The following IQCE variants were observed in gnomAD, a reference collection of about 807,000 sequenced individuals.
IQCE encodes IQ domain-containing protein E.
IQCE carries 115 observed loss-of-function variants against 96.0 expected under a neutral mutation model. The ratio of observed to expected loss-of-function variants is 1.20; its 90% CI spans 1.03 to 1.40. The LOEUF (loss-of-function observed/expected upper bound fraction) is 1.40. Among genes scored for constraint, IQCE ranks in the 40% most tolerant of loss-of-function variants. The pLI, the probability that IQCE is intolerant of heterozygous loss-of-function variation, is 0.00. For missense variants in IQCE, 1,041 were observed against 909.1 expected (o/e 1.15, Z -1.87); for synonymous variants, 412 against 371.2 (o/e 1.11, Z -1.26).
intron 8 of IQCE, among the ~76,000 whole-genome samples, chr7:2,581,341 G>T (rs376432416): frequency 1.3e-5 from 2 of 151,770 alleles, no homozygotes; most frequent in Non-Finnish European, 2.9e-5. Flanking sequence ...GAGTAGTTGG[G>T]ATTACAAGCA....
intron 16 of IQCE, among the ~76,000 whole-genome samples, chr7:2,595,911 G>A (rs1008364745): frequency 1.3e-5 from 2 of 151,958 alleles, no homozygotes. Context: ...CTGGAGGGTC[G>A]CAGCCATGCT....
At position 2,611,109 on chromosome 7, in the gene IQCE, A is replaced by ACGGC; in HGVS notation, c.*947_*948insCGGC. The ACGGC allele has an allele frequency of 3.4e-5, 2 of 58,216 alleles. No individual in the cohort carries two copies. The highest frequency in any genetic ancestry group is 3.0e-4 in the Admixed American group (2 of 6,612). 3.6% of individuals were successfully genotyped at this position (58,216 alleles called of 1,614,324 possible). A position where few individuals can be genotyped will look rare whatever the true frequency, so the allele number is the denominator to read the frequency against. On this transcript the variant is annotated 3_prime_UTR_variant, in exon 22 of 22. Transcript: ENST00000402050. ...TGCGGCCTCTGCACTCCCAAGCTCC[A>ACGGC]TGGCTGGGCTGGGCTGGGCTGGGCT...
intron 20 of IQCE, 117 bp from the exon 21 acceptor site, chr7:2,607,005 CTG>C (rs1314001403): frequency 4.4e-6 from 4 of 915,226 alleles, no homozygotes; most frequent in African/African-American, 1.7e-5. Flanking sequence ...GGGACTGGCT[CTG>C]TGTTTGCTTT....
At position 2,614,340 on chromosome 7, in the gene IQCE, C is replaced by T. The variant is rs562848029; in HGVS notation, c.*4178C>T. ...AAGCAGCGTTTGCTCTCCCGTGGCT[C>T]GGATTCTCTGAGGACCAGGGAGTTG... On this transcript the variant is annotated 3_prime_UTR_variant, in exon 22 of 22. Transcript: ENST00000402050. The T allele has an allele frequency of 6.6e-6, 1 of 152,372 alleles. No individual in the cohort carries two copies. The highest frequency in any genetic ancestry group is 2.1e-4 in the South Asian group (1 of 4,828). The allele number at this position is 152,372 out of a possible 1,614,324, so 9.4% of individuals were successfully genotyped here. A position where few individuals can be genotyped will look rare whatever the true frequency, so the allele number is the denominator to read the frequency against.
intron 6 of IQCE, among the ~76,000 whole-genome samples, chr7:2,577,222 G>C (rs1203234160): frequency 1.3e-5 from 2 of 151,750 alleles, no homozygotes; most frequent in East Asian, 1.9e-4. Flanking sequence ...GCTGTGTGTG[G>C]TGTGTGTGCA....
At chr7:2,597,204 G>A (rs977778679) in intron 16 of IQCE, 10 of 457,326 alleles carry the variant, frequency 2.2e-5, no homozygotes, top group Middle Eastern at 7.0e-4. Context: ...TGGGCCACAG[G>A]GTGGTCTTCA....
At chr7:2,587,951 C>T (rs933001615) in intron 13 of IQCE, 74 bp downstream of exon 13, 38 of 1,355,746 alleles carry the variant, frequency 2.8e-5, no homozygotes, top group African/African-American at 2.3e-4. Context: ...TCACAGGGTG[C>T]GGAAGGTGGC....
chr7:2,607,013 G>A (rs1784882733), intron 20 of IQCE, 111 bp from the exon 21 acceptor site: 2 of 992,794 alleles, frequency 2.0e-6, no homozygotes, highest in South Asian at 3.4e-5. Context: ...CTCTGTGTTT[G>A]CTTTCATTGG....
intron 1 of IQCE, among the ~76,000 whole-genome samples, chr7:2,563,913 A>AAAAG (rs1781167296): frequency 6.6e-6 from 1 of 150,568 alleles, no homozygotes; most frequent in African/African-American, 2.4e-5. Flanking sequence ...AAAAAAAAAA[A>AAAAG]AAATTTCACT....
chr7:2,564,256 C>A (rs1036361067), intron 1 of IQCE, among the ~76,000 whole-genome samples: 5 of 151,852 alleles, frequency 3.3e-5, no homozygotes, highest in Non-Finnish European at 7.4e-5. Context: ...TTTAAATTTC[C>A]CTTGTGATTT....
chr7:2,592,310 G>A (rs1783662824), intron 14 of IQCE, among the ~76,000 whole-genome samples: 1 of 152,238 alleles, frequency 6.6e-6, no homozygotes, highest in South Asian at 2.1e-4. Flanking sequence ...TCATTACAGA[G>A]TTCATAGACA....
At chr7:2,575,451 G>A (rs1265294732) in intron 6 of IQCE, among the ~76,000 whole-genome samples, 1 of 152,256 alleles carries the variant, frequency 6.6e-6, no homozygotes, top group Non-Finnish European at 1.5e-5. Flanking sequence ...TACTGCTCCT[G>A]CTCAGCCTTT....
rs1312035039 is a variant in IQCE, at chr7:2,587,996, C to A, written c.1044+119C>A. On this transcript the variant is annotated intron_variant, in intron 13 of 21. Transcript: ENST00000402050. ...GGCACTGGCTGTCTGCCAGGCAGCG[C>A]CACACACAGACCGCAAGGAGACTTC... 3 of 943,162 alleles carry A rather than the reference C, an allele frequency of 3.2e-6. No individual in the cohort carries two copies. The Admixed American group carries it at 5.3e-5, about 17-fold the overall frequency. 58.4% of individuals were successfully genotyped at this position (943,162 alleles called of 1,614,324 possible). A position where few individuals can be genotyped will look rare whatever the true frequency, so the allele number is the denominator to read the frequency against.
rs140225799 is a variant in IQCE, at chr7:2,574,604, G to A, written c.465+1116G>A. ...TGGAAGACTGCGCTGAATGAACTCA[G>A]TGTGGATTGGGGGGATTATCTCGTT... On this transcript the variant is annotated intron_variant, in intron 6 of 21. Transcript: ENST00000402050. Among the ~76,000 whole-genome samples the A allele has an allele frequency of 7.7e-4, 118 of 152,354 alleles. 1 individual carries two copies. Among genetic ancestry groups the A allele is most frequent in the Middle Eastern group, 6.8e-3 (2 of 294 alleles).
At chr7:2,598,761 T>C in intron 17 of IQCE, 129 bp downstream of exon 17, 1 of 779,516 alleles carries the variant, frequency 1.3e-6, no homozygotes, top group South Asian at 3.5e-5. Context: ...CACCGTAACA[T>C]ACAGAAAATG....
At position 2,572,821 on chromosome 7, in the gene IQCE, G is replaced by A. The variant is rs140101083; in HGVS notation, c.394+495G>A. 2.2e-3 allele frequency: 994 copies of A among 443,374 alleles called. 11 individuals are homozygous for A. The highest frequency in any genetic ancestry group is 0.019 in the African/African-American group (914 of 48,998). The allele number at this position is 443,374 out of a possible 1,614,324, so 27.5% of individuals were successfully genotyped here. On this transcript the variant is annotated intron_variant, in intron 5 of 21. Transcript: ENST00000402050. ...GGCCTCCCAGAATCCTGGGATTACA[G>A]GCATGAGCCACCGTGCCCGGCCTCT...
intron 16 of IQCE, among the ~76,000 whole-genome samples, chr7:2,597,796 A>G (rs1233433248): frequency 1.3e-5 from 2 of 152,116 alleles, no homozygotes; most frequent in Non-Finnish European, 2.9e-5. Context: ...CCTCCCGAGT[A>G]GCTGAGACCA....
intron 8 of IQCE, among the ~76,000 whole-genome samples, chr7:2,581,272 C>G (rs1179122036): frequency 6.6e-6 from 1 of 152,064 alleles, no homozygotes; most frequent in African/African-American, 2.4e-5. Flanking sequence ...GTGGCGAGAT[C>G]TCGACTCACT....
intron 18 of IQCE, chr7:2,601,877 G>A: frequency 5.0e-6 from 1 of 200,006 alleles, no homozygotes; most frequent in Non-Finnish European, 1.0e-5. Flanking sequence ...AACCAAACCA[G>A]ACCCCAACGT....
Sources: allele counts gnomAD v4.1 joint callset (sites outside exome capture counted in the v4.1 genomes callset), GRCh38; gene constraint gnomAD v4.1.1; transcripts MANE v1.5; gene names NCBI Gene and HGNC (gene_info 2026-07-23, HGNC 2026-07-21).